PLPPR4: variants seen among roughly 807,000 people sequenced by gnomAD.
PLPPR4 encodes the protein phospholipid phosphatase-related protein type 4.
In PLPPR4, 24 loss-of-function variants were observed where a neutral mutation model predicts 56.6. The observed-to-expected ratio is 0.42, with a 90% confidence interval of 0.31 to 0.60. The LOEUF is 0.60. Among genes scored for constraint, PLPPR4 ranks in the 20% least tolerant of loss-of-function variants. PLPPR4 has a pLI of 0.13. For missense variants in PLPPR4, 654 were observed against 885.8 expected, an observed-to-expected ratio of 0.74 and a Z score of 3.32; for synonymous variants, 326 against 328.1, an observed-to-expected ratio of 0.99 and a Z score of 0.07.
chr1:99,276,333 G>A (rs924131341), intron 1 of PLPPR4, among the ~76,000 whole-genome samples: 5 of 152,228 alleles, frequency 3.3e-5, no homozygotes, highest in South Asian at 2.1e-4. Flanking sequence ...CAAATAAAAT[G>A]TATCAGGCAC....
At chr1:99,271,843 G>C (rs1659065787) in intron 1 of PLPPR4, among the ~76,000 whole-genome samples, 1 of 151,480 alleles carries the variant, frequency 6.6e-6, no homozygotes, top group East Asian at 2.0e-4. Context: ...AACAGAGAGA[G>C]GTCAAGTCAA....
chr1:99,277,982 T>G (rs1216385033), intron 1 of PLPPR4, among the ~76,000 whole-genome samples: 1 of 152,154 alleles, frequency 6.6e-6, no homozygotes, highest in African/African-American at 2.4e-5. Context: ...AACACTAATC[T>G]AAGTATATTA....
intron 4 of PLPPR4, among the ~76,000 whole-genome samples, chr1:99,299,668 T>G (rs1420123217): frequency 6.6e-6 from 1 of 151,912 alleles, no homozygotes; most frequent in Admixed American, 6.6e-5. Context: ...TTTTGTAAAG[T>G]TTGAGGAGGG....
At chr1:99,277,793 C>T (rs1659228725) in intron 1 of PLPPR4, among the ~76,000 whole-genome samples, 1 of 151,896 alleles carries the variant, frequency 6.6e-6, no homozygotes, top group African/African-American at 2.4e-5. Flanking sequence ...TGAGTATGAG[C>T]TTATTTTGGT....
chr1:99,268,582 CT>C (rs1215575655), intron 1 of PLPPR4, among the ~76,000 whole-genome samples: 1 of 152,154 alleles, frequency 6.6e-6, no homozygotes, highest in Non-Finnish European at 1.5e-5. Context: ...GTTTATGCTG[CT>C]GCTTGCTAAT....
chr1:99,284,868 C>A (rs773082338), intron 1 of PLPPR4, among the ~76,000 whole-genome samples: 1 of 151,936 alleles, frequency 6.6e-6, no homozygotes, highest in African/African-American at 2.4e-5. Context: ...GAAATCAGTA[C>A]GATTAGGCCC....
intron 1 of PLPPR4, among the ~76,000 whole-genome samples, chr1:99,270,493 C>G (rs999308468): frequency 2.0e-5 from 3 of 152,214 alleles, no homozygotes; most frequent in Non-Finnish European, 2.9e-5. Flanking sequence ...GTTCAACAAG[C>G]CTTTGAGCAA....
At chr1:99,263,429 A>T (rs1658810679), upstream of PLPPR4, among the ~76,000 whole-genome samples, 2 of 152,204 alleles carry the variant, frequency 1.3e-5, no homozygotes, top group African/African-American at 4.8e-5. Context: ...ATACTGCCAA[A>T]GACCTATTGG....
At chr1:99,295,364 G>C (rs1659716936) in intron 2 of PLPPR4, among the ~76,000 whole-genome samples, 1 of 152,044 alleles carries the variant, frequency 6.6e-6, no homozygotes, top group South Asian at 2.1e-4. Flanking sequence ...GCTGTCATTA[G>C]ATTTTTTAAA....
chr1:99,270,246 G>C (rs1196254138), intron 1 of PLPPR4, among the ~76,000 whole-genome samples: 1 of 151,970 alleles, frequency 6.6e-6, no homozygotes, highest in Admixed American at 6.6e-5. Flanking sequence ...AGCTGGTCTC[G>C]AACTCCTGGG....
At chr1:99,265,710 G>A (rs956630729) in intron 1 of PLPPR4, among the ~76,000 whole-genome samples, 7 of 152,154 alleles carry the variant, frequency 4.6e-5, no homozygotes, top group Non-Finnish European at 8.8e-5. Context: ...AGCCAAATAT[G>A]GAGGTTTAGC....
In PLPPR4 at chr1:99,306,981, A is replaced by G; in HGVS notation, c.2119A>G (p.Thr707Ala). 6.2e-7 allele frequency: 1 copy of G among 1,606,620 alleles called. No individual in the cohort carries two copies. The highest frequency in any genetic ancestry group is 8.5e-7 in the Non-Finnish European group (1 of 1,178,736). The change falls in exon 7 of 7, where the codon ACC becomes GCC. Residue 707 changes from threonine to alanine, a missense_variant. This residue lies in a region of PLPPR4 where 468 missense variants were observed against 554.3 expected (regional missense o/e 0.84). Coordinates refer to ENST00000370185, the MANE Select transcript of PLPPR4 (RefSeq NM_014839.5). This position sits in a 1 kb window ranked among gnomAD's most constrained non-coding sequence, Gnocchi z 4.0. ...ENTRNIFYKG[T>A]SPTRAYKD The stretch of plus-strand genomic sequence containing the variant: ...CACTAGAAATATCTTCTACAAAGGA[A>G]CCTCCCCCACACGGGCTTATAAGGA...
intron 6 of PLPPR4, among the ~76,000 whole-genome samples, chr1:99,303,229 G>A (rs1659930231): frequency 6.6e-6 from 1 of 152,114 alleles, no homozygotes; most frequent in Admixed American, 6.6e-5. Flanking sequence ...AGAGCAAGTG[G>A]AAGTGGAAGG....
chr1:99,284,661 A>G lies in PLPPR4; in HGVS notation c.79-3304A>G, dbSNP rs989211888. Among the ~76,000 whole-genome samples the G allele has an allele frequency of 3.3e-5, 5 of 151,780 alleles. No homozygotes were observed. In the East Asian group the frequency reaches 9.6e-4, roughly 29 times the overall value. On this transcript the variant is annotated intron_variant, in intron 1 of 6. Coordinates refer to ENST00000370185, the MANE Select transcript of PLPPR4 (RefSeq NM_014839.5). ...AAATATAGAAGATATTAATATATAT[A>G]TGGAAAATTATATAATTAGAAAAAT... is the stretch of plus-strand genomic sequence containing the variant.
intron 2 of PLPPR4, among the ~76,000 whole-genome samples, chr1:99,296,006 T>C (rs1229184207): frequency 3.9e-5 from 6 of 152,214 alleles, no homozygotes; most frequent in African/African-American, 1.2e-4. Flanking sequence ...TAAATCATAC[T>C]GAGTTCCTTC....
chr1:99,292,536 T>A (rs990971740), intron 2 of PLPPR4, among the ~76,000 whole-genome samples: 2 of 152,200 alleles, frequency 1.3e-5, no homozygotes, highest in African/African-American at 4.8e-5. Flanking sequence ...CCTCCATAGC[T>A]GCTGCATGCC....
chr1:99,272,757 T>C (rs1659088747), intron 1 of PLPPR4, among the ~76,000 whole-genome samples: 1 of 152,138 alleles, frequency 6.6e-6, no homozygotes, highest in Admixed American at 6.5e-5. Flanking sequence ...AGTAAGAATA[T>C]AATTTATGTC....
In PLPPR4 at chr1:99,287,982, A is replaced by T. The variant is rs754900760; in HGVS notation, c.96A>T (p.Ser32=). 3.1e-6 allele frequency: 5 copies of T among 1,613,268 alleles called. No individual in the cohort carries two copies. The highest frequency in any genetic ancestry group is 3.4e-6 in the Non-Finnish European group (4 of 1,179,634). ...FYFVELPILA[S]SVVSLYFLEL... is the part of the protein sequence containing the mutation. ...ATTCTTAGTTGCCTATATTGGCATCATCGGTGGTTAGCCTCTATTTCCTCG... is the reference window on the plus strand; with the variant it reads ...ATTCTTAGTTGCCTATATTGGCATCTTCGGTGGTTAGCCTCTATTTCCTCG... The change falls in exon 2 of 7, where the codon TCA becomes TCT. Residue 32 remains serine (S), a synonymous_variant. Transcript: ENST00000370185.
chr1:99,291,692 G>A (rs377066608), intron 2 of PLPPR4, among the ~76,000 whole-genome samples: 3 of 152,028 alleles, frequency 2.0e-5, no homozygotes, highest in Non-Finnish European at 4.4e-5. Context: ...CAAACACCAC[G>A]TGTTCTCATT....
Sources: gnomAD v4.1 joint callset for allele counts (sites outside exome capture counted in the v4.1 genomes callset) on GRCh38, gnomAD v4.1.1 for gene constraint, gnomAD v4.1.1 regional missense constraint, Gnocchi (gnomAD v3.1) non-coding constraint, MANE v1.5 for transcripts, NCBI Gene and HGNC (gene_info 2026-07-23, HGNC 2026-07-21) for gene names.